Variants in GNB1 observed in about 807,000 individuals in gnomAD.
GNB1 encodes guanine nucleotide-binding protein G(I)/G(S)/G(T) subunit beta-1.
GNB1 carries 2 observed loss-of-function variants against 42.9 expected under a neutral mutation model. That is an observed-to-expected ratio of 0.05 (90% CI 0.02 to 0.15). The LOEUF is 0.15. GNB1 is among the 10% of genes least tolerant of loss of function. GNB1 has a pLI of 1.00. For synonymous variants in GNB1, 183 were observed against 174.7 expected, an observed-to-expected ratio of 1.05 and a Z score of -0.38; for missense variants, 193 against 462.2, an observed-to-expected ratio of 0.42 and a Z score of 5.34.
chr1:1,839,041 AC>A (rs1647188250), intron 2 of GNB1, 148 bp downstream of exon 2: 1 of 152,112 alleles, frequency 6.6e-6, no homozygotes, highest in Non-Finnish European at 1.5e-5. Flanking sequence ...GAACCCCTTG[AC>A]CCCAGGAGTT....
chr1:1,857,799 G>C (rs899505950), intron 1 of GNB1, among the ~76,000 whole-genome samples: 1 of 152,070 alleles, frequency 6.6e-6, no homozygotes. Flanking sequence ...CTATACAAAT[G>C]ATAGGAACTT....
chr1:1,833,498 G>A (rs1647104164), intron 2 of GNB1, among the ~76,000 whole-genome samples: 2 of 152,188 alleles, frequency 1.3e-5, no homozygotes, highest in African/African-American at 4.8e-5. Context: ...CACTAACGCA[G>A]CTGCAGAGCA....
intron 1 of GNB1, among the ~76,000 whole-genome samples, chr1:1,855,621 C>T (rs1335439785): frequency 6.6e-6 from 1 of 151,254 alleles, no homozygotes; most frequent in African/African-American, 2.4e-5. Context: ...GAATGGCTGG[C>T]ATGAACCCCG....
chr1:1,787,465 C>T lies in GNB1; in HGVS notation c.917-28G>A. 1 of 1,389,876 alleles carries T rather than the reference C, an allele frequency of 7.2e-7. No individual in the cohort carries two copies. Among genetic ancestry groups the T allele is most frequent in the African/African-American group, 1.4e-5 (1 of 70,732 alleles). 86.1% of individuals were successfully genotyped at this position (1,389,876 alleles called of 1,614,324 possible). A position where few individuals can be genotyped will look rare whatever the true frequency, so the allele number is the denominator to read the frequency against. On this transcript the variant is annotated intron_variant, in intron 10 of 11. Transcript: ENST00000378609. The surrounding 1 kb of genome is among the most constrained non-coding windows in gnomAD (Gnocchi z 4.4). ...GGGAGCAAACAACAGCAGAATCACA[C>T]CAAAGCCCAGAGGCATCGATCTCAC...
At chr1:1,805,436 G>A (rs1469809087) in intron 6 of GNB1, among the ~76,000 whole-genome samples, 1 of 152,032 alleles carries the variant, frequency 6.6e-6, no homozygotes, top group African/African-American at 2.4e-5. Context: ...ACTCCAGCCA[G>A]GGCGGTAAGA....
intron 3 of GNB1, among the ~76,000 whole-genome samples, chr1:1,819,092 A>T (rs1646895933): frequency 6.6e-6 from 1 of 152,160 alleles, no homozygotes. Context: ...AAGTTACTAG[A>T]AAATAGACCT....
At chr1:1,848,803 C>T (rs1451787952) in intron 1 of GNB1, among the ~76,000 whole-genome samples, 2 of 152,312 alleles carry the variant, frequency 1.3e-5, no homozygotes, top group Middle Eastern at 3.4e-3. Context: ...TTAAGGGTCA[C>T]GATATTCCTT....
At chr1:1,842,445 A>C (rs186140170) in intron 1 of GNB1, among the ~76,000 whole-genome samples, 4 of 152,130 alleles carry the variant, frequency 2.6e-5, no homozygotes, top group Admixed American at 2.0e-4. Context: ...AAAAAAAAAA[A>C]AAAAAGAAGT....
chr1:1,853,568 T>C (rs747776555), intron 1 of GNB1, among the ~76,000 whole-genome samples: 8 of 152,142 alleles, frequency 5.3e-5, no homozygotes, highest in Admixed American at 2.0e-4. Context: ...AAAAAAGACA[T>C]GCTTCCAAAA....
At chr1:1,805,055 G>C (rs1286170314) in intron 6 of GNB1, among the ~76,000 whole-genome samples, 1 of 152,210 alleles carries the variant, frequency 6.6e-6, no homozygotes, top group Non-Finnish European at 1.5e-5. Context: ...TCAGCTACTT[G>C]AGTGACTGGG....
intron 1 of GNB1, among the ~76,000 whole-genome samples, chr1:1,848,203 C>T (rs1035779052): frequency 2.0e-5 from 3 of 151,538 alleles, no homozygotes; most frequent in African/African-American, 4.9e-5. Context: ...CACAGTGAAA[C>T]TCTGTCTCTA....
intron 2 of GNB1, among the ~76,000 whole-genome samples, chr1:1,837,584 G>T (rs1017363316): frequency 6.8e-6 from 1 of 147,428 alleles, no homozygotes; most frequent in African/African-American, 2.5e-5. Flanking sequence ...TTTTTGACAC[G>T]GAGTCTCACT....
intron 1 of GNB1, chr1:1,890,374 G>T (rs1198572210): frequency 6.6e-6 from 1 of 150,446 alleles, no homozygotes; most frequent in Non-Finnish European, 1.5e-5. Flanking sequence ...CCCGATAGGC[G>T]GCCCGCGCGG....
Position 1,858,310 on chromosome 1 carries a change from AAC to A in GNB1, c.-95-19074_-95-19073del, listed in dbSNP as rs748329061. On this transcript the variant is annotated intron_variant, in intron 1 of 11. Coordinates refer to ENST00000378609, the MANE Select transcript of GNB1 (RefSeq NM_002074.5). ...TTCATCTGTCGCATCTGTCAAGAAA[AAC>A]ACAGACTGTCTTCTAAAAGTCCGTT... 7.2e-5 allele frequency among the ~76,000 whole-genome samples: 11 copies of A among 152,186 alleles called. No homozygotes were observed. The East Asian group carries it at 9.6e-4, about 13-fold the overall frequency.
At chr1:1,817,910 TTCAGATACATTC>T (rs1480995879) in intron 3 of GNB1, 35 bp from the exon 4 acceptor site, 7 of 1,524,830 alleles carry the variant, frequency 4.6e-6, no homozygotes, top group Non-Finnish European at 6.4e-6. Context: ...TTAGCAACCT[TTCAGATACATTC>T]AATCTCAGGT....
chr1:1,827,595 G>GC (rs1277229928), intron 2 of GNB1, among the ~76,000 whole-genome samples: 2 of 152,164 alleles, frequency 1.3e-5, no homozygotes, highest in Non-Finnish European at 2.9e-5. Flanking sequence ...TGTGATTTGT[G>GC]GACGTTAATG....
intron 1 of GNB1, among the ~76,000 whole-genome samples, chr1:1,845,003 T>C (rs1318772785): frequency 6.6e-6 from 1 of 152,216 alleles, no homozygotes; most frequent in African/African-American, 2.4e-5. Flanking sequence ...TGTGAAATAA[T>C]ACTGAACTTA....
chr1:1,828,282 T>C (rs948305919), intron 2 of GNB1, among the ~76,000 whole-genome samples: 4 of 152,054 alleles, frequency 2.6e-5, no homozygotes, highest in African/African-American at 9.7e-5. Flanking sequence ...GATCTTGCCA[T>C]TGCACTCCAG....
chr1:1,816,966 A>C (rs535392145), intron 4 of GNB1, among the ~76,000 whole-genome samples: 1 of 152,158 alleles, frequency 6.6e-6, no homozygotes, highest in Admixed American at 6.5e-5. Context: ...ACATCCAATT[A>C]ATCACTTTAA....
Sources: gnomAD v4.1 joint callset for allele counts (sites outside exome capture counted in the v4.1 genomes callset) on GRCh38, gnomAD v4.1.1 for gene constraint, Gnocchi (gnomAD v3.1) non-coding constraint, MANE v1.5 for transcripts, NCBI Gene and HGNC (gene_info 2026-07-23, HGNC 2026-07-21) for gene names.